The following RP1 variants were observed in gnomAD, a reference collection of about 807,000 sequenced individuals.
RP1 encodes the protein RP1 axonemal microtubule associated.
Under a neutral mutation model 14.8 loss-of-function variants are expected in RP1, and 16 were observed. The ratio of observed to expected loss-of-function variants is 1.08; its 90% CI spans 0.73 to 1.65. The LOEUF (loss-of-function observed/expected upper bound fraction) is 1.65, where lower values mean the gene tolerates loss of function less well. RP1 is among the 40% of genes most tolerant of loss of function. RP1 has a pLI of 0.00. For synonymous variants in RP1, 876 were observed against 883.6 expected, an observed-to-expected ratio of 0.99 and a Z score of 0.15; for missense variants, 2,631 against 2,535.0, an observed-to-expected ratio of 1.04 and a Z score of -0.81.
rs1226810351 is a variant in RP1, at chr8:54,577,803, C to A, written c.-13+18483C>A. 2.0e-5 allele frequency among the ~76,000 whole-genome samples: 3 copies of A among 152,278 alleles called. No individual in the cohort carries two copies. In the East Asian group the frequency reaches 5.8e-4, roughly 29 times the overall value. On this transcript the variant is annotated intron_variant, in intron 1 of 22. Coordinates refer to the RP1 transcript ENST00000636932. Reference sequence around the variant, plus strand: ...AGGAGGGGCTCAAATCCAGGTGTGACCATTGTTCAACTGCATTGTTAAACT... The same window carrying A: ...AGGAGGGGCTCAAATCCAGGTGTGAACATTGTTCAACTGCATTGTTAAACT...
chr8:54,817,294 G>A (rs183046692), intron 24 of RP1, among the ~76,000 whole-genome samples: 1 of 152,284 alleles, frequency 6.6e-6, no homozygotes, highest in East Asian at 1.9e-4. Flanking sequence ...TAAGAACTGG[G>A]AGAATTGAGA....
At chr8:54,590,257 C>T (rs1240763206) in intron 1 of RP1, among the ~76,000 whole-genome samples, 1 of 152,162 alleles carries the variant, frequency 6.6e-6, no homozygotes, top group Admixed American at 6.5e-5. Flanking sequence ...TCATAGCCCT[C>T]CTCTGGCATT....
Position 54,629,401 on chromosome 8 carries a change from A to G in RP1, c.5519A>G (p.Glu1840Gly), listed in dbSNP as rs754850586. Residue 1840 changes from glutamate (E) to glycine (G), a missense_variant, in exon 4 of 4, where the codon GAA becomes GGA. Coordinates refer to ENST00000220676, the MANE Select transcript of RP1 (RefSeq NM_006269.2). Reference protein sequence around the residue: ...FHEDLLDVRNETCAKERIANH... With the variant: ...FHEDLLDVRNGTCAKERIANH... Reference sequence around the variant, plus strand: ...GAGGACTTGCTGGATGTTCGCAATGAAACCTGTGCCAAGGAAAGAATAGCA... The same window carrying G: ...GAGGACTTGCTGGATGTTCGCAATGGAACCTGTGCCAAGGAAAGAATAGCA... The G allele has an allele frequency of 1.2e-6, 2 of 1,614,048 alleles. No individual in the cohort carries two copies. The highest frequency in any genetic ancestry group is 1.7e-6 in the Non-Finnish European group (2 of 1,180,008).
chr8:54,657,911 T>C (rs889680788), intron 6 of RP1, among the ~76,000 whole-genome samples: 1 of 152,256 alleles, frequency 6.6e-6, no homozygotes, highest in African/African-American at 2.4e-5. Context: ...TTATTTTTAA[T>C]TGTGATAATT....
chr8:54,719,138 T>C (rs1808476027), intron 15 of RP1, among the ~76,000 whole-genome samples: 1 of 152,138 alleles, frequency 6.6e-6, no homozygotes, highest in South Asian at 2.1e-4. Context: ...TGTTCATCCA[T>C]ACACCATGCT....
intron 19 of RP1, among the ~76,000 whole-genome samples, chr8:54,746,107 C>T (rs1202139426): frequency 1.3e-5 from 2 of 152,154 alleles, no homozygotes; most frequent in Non-Finnish European, 2.9e-5. Flanking sequence ...TAATGATCAG[C>T]CATTTATAGC....
chr8:54,746,821 T>C (rs964488369), intron 19 of RP1, among the ~76,000 whole-genome samples: 1 of 152,218 alleles, frequency 6.6e-6, no homozygotes, highest in African/African-American at 2.4e-5. Flanking sequence ...TCAACGGTAC[T>C]TGGTATCTCA....
At chr8:54,864,787 G>A (rs1233324635) in intron 27 of RP1, among the ~76,000 whole-genome samples, 1 of 152,176 alleles carries the variant, frequency 6.6e-6, no homozygotes, top group Non-Finnish European at 1.5e-5. Flanking sequence ...ATAAGTGGTA[G>A]GGTGATTCCC....
At position 54,717,321 on chromosome 8, in the gene RP1, C is replaced by A. The variant is rs144829034; in HGVS notation, c.2212-2808C>A. On this transcript the variant is annotated intron_variant, in intron 15 of 22. Coordinates refer to the RP1 transcript ENST00000636932. ...GCTCTAGGCTGGATTCTTCTTACGC[C>A]AACACAATGAGTATTGTTGATTTAG... Among the ~76,000 whole-genome samples the A allele has an allele frequency of 2.2e-3, 340 of 152,200 alleles. 1 individual carries two copies. Among genetic ancestry groups the A allele is most frequent in the African/African-American group, 7.6e-3 (314 of 41,524 alleles).
Position 54,629,690 on chromosome 8 carries a change from A to G in RP1, c.5808A>G (p.Ala1936=), listed in dbSNP as rs541388301. The G allele has an allele frequency of 6.2e-6, 10 of 1,613,718 alleles. No homozygotes were observed. In the South Asian group the frequency reaches 8.8e-5, roughly 14 times the overall value. The change falls in exon 4 of 4, where the codon GCA becomes GCG. Residue 1936 remains alanine (A), a synonymous_variant. Transcript: ENST00000220676. ...QPMNEEDRGF[A]YRKESDIENF... ...TGAATGAGGAAGACCGAGGATTTGCATATCGCAAAGAATCTGATATTGAAA... is the reference window on the plus strand; with the variant it reads ...TGAATGAGGAAGACCGAGGATTTGCGTATCGCAAAGAATCTGATATTGAAA...
intron 25 of RP1, among the ~76,000 whole-genome samples, chr8:54,846,178 T>C (rs1008193214): frequency 6.6e-6 from 1 of 152,220 alleles, no homozygotes; most frequent in Non-Finnish European, 1.5e-5. Context: ...GACAGAACTA[T>C]GCTAAATATA....
intron 25 of RP1, among the ~76,000 whole-genome samples, chr8:54,840,013 AATG>A (rs1199191077): frequency 6.6e-6 from 1 of 152,096 alleles, no homozygotes; most frequent in Non-Finnish European, 1.5e-5. Flanking sequence ...ATGCCCAGAA[AATG>A]ATGAAGTGGG....
intron 17 of RP1, among the ~76,000 whole-genome samples, chr8:54,733,692 T>G (rs577232800): frequency 1.3e-5 from 2 of 152,262 alleles, no homozygotes; most frequent in East Asian, 3.9e-4. Context: ...CTCATCATCT[T>G]GGGTATATAA....
At position 54,701,553 on chromosome 8, in the gene RP1, C is replaced by T. The variant is rs567720624; in HGVS notation, c.1889C>T (p.Ser630Leu). 246 of 1,535,638 alleles carry T rather than the reference C, an allele frequency of 1.6e-4. 4 individuals carry two copies. The South Asian group carries it at 2.5e-3, about 16-fold the overall frequency. ...CCTAACCGCTGTGCACTTCTTGAGTCGGCACTGGTTCCTGGTCACACAGTT... is the reference window on the plus strand; with the variant it reads ...CCTAACCGCTGTGCACTTCTTGAGTTGGCACTGGTTCCTGGTCACACAGTT... Residue 630 changes from serine to leucine, a missense_variant, in exon 14 of 23, where the codon TCG (serine) becomes TTG (leucine). Transcript: ENST00000636932.
chr8:54,637,074 A>G (rs1464052866), intron 3 of RP1, among the ~76,000 whole-genome samples: 3 of 151,888 alleles, frequency 2.0e-5, no homozygotes, highest in Admixed American at 2.0e-4. Flanking sequence ...CATTATGGAG[A>G]TTGTCTGGTG....
intron 19 of RP1, among the ~76,000 whole-genome samples, chr8:54,746,384 C>T (rs1030088454): frequency 6.6e-6 from 1 of 152,082 alleles, no homozygotes; most frequent in Non-Finnish European, 1.5e-5. Flanking sequence ...CTTGATCATA[C>T]TTTAGAGGCC....
intron 17 of RP1, among the ~76,000 whole-genome samples, chr8:54,730,702 A>G (rs1392636595): frequency 1.3e-5 from 2 of 152,096 alleles, no homozygotes; most frequent in Non-Finnish European, 2.9e-5. Context: ...TATTAATCCA[A>G]TGGGCAAGCA....
In RP1 at chr8:54,626,236, T is replaced by C. The variant is rs1438716153; in HGVS notation, c.2354T>C (p.Ile785Thr). The change falls in exon 4 of 4, where the codon ATA (isoleucine) becomes ACA (threonine). Residue 785 changes from isoleucine (I) to threonine (T), a missense_variant. Ile to Thr is a moderately conservative substitution (Grantham distance 89, BLOSUM62 -1). Transcript: ENST00000220676. Reference protein sequence around the residue: ...TKRKSRSLNKISLGAPKKREI... With the variant: ...TKRKSRSLNKTSLGAPKKREI... ...AGAAAATCTAGATCACTAAATAAAA[T>C]AAGCTTAGGAGCACCTAAAAAAAGA... 2 of 1,611,476 alleles carry C rather than the reference T, an allele frequency of 1.2e-6. No homozygotes were observed. The highest frequency in any genetic ancestry group is 1.7e-6 in the Non-Finnish European group (2 of 1,179,314).
intron 28 of RP1, among the ~76,000 whole-genome samples, chr8:54,869,294 T>C (rs796892058): frequency 6.6e-6 from 1 of 152,218 alleles, no homozygotes; most frequent in South Asian, 2.1e-4. Flanking sequence ...ATAAGATACA[T>C]TCCAGATTTC....
Sources: gnomAD v4.1 joint callset for allele counts (sites outside exome capture counted in the v4.1 genomes callset) on GRCh38, gnomAD v4.1.1 for gene constraint, MANE v1.5 for transcripts, NCBI Gene and HGNC (gene_info 2026-07-23, HGNC 2026-07-21) for gene names.